Variants in ITGBL1 observed in about 807,000 individuals in gnomAD.
The protein encoded by ITGBL1 is integrin beta-like protein 1.
Under a neutral mutation model 68.5 loss-of-function variants are expected in ITGBL1, and 51 were observed. That is an observed-to-expected ratio of 0.74 (90% CI 0.59 to 0.94). The LOEUF (loss-of-function observed/expected upper bound fraction) is 0.94, where lower values mean the gene tolerates loss of function less well. Among genes scored for constraint, ITGBL1 ranks in the 40% least tolerant of loss-of-function variants. The pLI, the probability that ITGBL1 is intolerant of heterozygous loss-of-function variation, is 0.00. For missense variants in ITGBL1, 649 were observed against 647.4 expected, an observed-to-expected ratio of 1.00 and a Z score of -0.03; for synonymous variants, 209 against 227.3, an observed-to-expected ratio of 0.92 and a Z score of 0.72.
At chr13:101,647,493 A>C (rs1256898883) in intron 7 of ITGBL1, among the ~76,000 whole-genome samples, 1 of 152,218 alleles carries the variant, frequency 6.6e-6, no homozygotes, top group Non-Finnish European at 1.5e-5. Context: ...ACCAACAAAA[A>C]AAAATATATT....
chr13:101,471,568 G>GTGTGTGTA (rs1206745931), intron 2 of ITGBL1, among the ~76,000 whole-genome samples: 10 of 144,626 alleles, frequency 6.9e-5, no homozygotes, highest in African/African-American at 2.6e-4. Flanking sequence ...GTGTGTGTGT[G>GTGTGTGTA]TATATATATT....
chr13:101,569,049 C>CACAG (rs2139254824), intron 3 of ITGBL1, among the ~76,000 whole-genome samples: 1 of 150,574 alleles, frequency 6.6e-6, no homozygotes, highest in African/African-American at 2.4e-5. Flanking sequence ...CACACACACA[C>CACAG]ACACACACAC....
intron 2 of ITGBL1, among the ~76,000 whole-genome samples, chr13:101,464,619 T>C (rs2048359110): frequency 6.6e-6 from 1 of 152,080 alleles, no homozygotes; most frequent in South Asian, 2.1e-4. Context: ...ATTTTACCCA[T>C]TTATATTTGG....
At chr13:101,587,344 T>TG (rs1211898410) in intron 6 of ITGBL1, among the ~76,000 whole-genome samples, 5 of 152,212 alleles carry the variant, frequency 3.3e-5, no homozygotes, top group South Asian at 2.1e-4. Flanking sequence ...AATATGTGTG[T>TG]TTGTGTATGT....
At chr13:101,470,636 G>A (rs2048444416) in intron 2 of ITGBL1, among the ~76,000 whole-genome samples, 1 of 152,122 alleles carries the variant, frequency 6.6e-6, no homozygotes, top group Non-Finnish European at 1.5e-5. Context: ...AGGCAACCTA[G>A]CAAGAGAGCC....
chr13:101,719,462 A>G (rs144388911), downstream of ITGBL1: 62 of 152,212 alleles, frequency 4.1e-4, 1 homozygote, highest in African/African-American at 1.4e-3. Context: ...AGGATTTGTA[A>G]TGAAATGATG....
intron 2 of ITGBL1, among the ~76,000 whole-genome samples, chr13:101,526,260 C>T (rs1855763): frequency 0.75 from 112,798 of 151,374 alleles, 42,052 homozygotes; most frequent in South Asian, 0.79. Flanking sequence ...CACCCATCAA[C>T]CCGTCATCTA....
At chr13:101,657,261 G>C (rs746808044) in intron 7 of ITGBL1, among the ~76,000 whole-genome samples, 1 of 152,056 alleles carries the variant, frequency 6.6e-6, no homozygotes, top group Non-Finnish European at 1.5e-5. Flanking sequence ...AATTCAAGTT[G>C]CACAAAAATT....
At chr13:101,479,974 G>A (rs1041403623) in intron 2 of ITGBL1, among the ~76,000 whole-genome samples, 3 of 151,944 alleles carry the variant, frequency 2.0e-5, no homozygotes, top group African/African-American at 4.8e-5. Context: ...GATACATACC[G>A]AAAAGAAAAG....
At chr13:101,524,238 A>G (rs1021543635) in intron 2 of ITGBL1, among the ~76,000 whole-genome samples, 2 of 151,672 alleles carry the variant, frequency 1.3e-5, no homozygotes, top group African/African-American at 4.8e-5. Context: ...AATTCTCTTC[A>G]TTAGGAGCAT....
intron 2 of ITGBL1, chr13:101,490,038 G>A (rs1254876131): frequency 1.7e-6 from 2 of 1,192,480 alleles, no homozygotes; most frequent in Admixed American, 2.0e-5. Flanking sequence ...TTAGCATTTT[G>A]TTATGGACTG....
rs1185338667 is a variant in ITGBL1 at position 101,563,353 on chromosome 13, A to C, written c.317-4346A>C. 2.2e-4 allele frequency among the ~76,000 whole-genome samples: 34 copies of C among 151,686 alleles called. 1 individual carries two copies. The highest frequency in any genetic ancestry group is 2.2e-3 in the Admixed American group (34 of 15,228). On this transcript the variant is annotated intron_variant, in intron 2 of 10. Coordinates refer to ENST00000376180, the MANE Select transcript of ITGBL1 (RefSeq NM_004791.3). ...AAAAACAATAAAGAAAATCAATAAA[A>C]CCAAAAGCTGATTATTTGAAAATAA... is the stretch of plus-strand genomic sequence containing the variant.
intron 2 of ITGBL1, among the ~76,000 whole-genome samples, chr13:101,458,272 A>C (rs2048271351): frequency 6.6e-6 from 1 of 152,220 alleles, no homozygotes; most frequent in Non-Finnish European, 1.5e-5. Context: ...TGACATAAGC[A>C]CTTGAGTACT....
chr13:101,642,478 A>G (rs1286772292), intron 7 of ITGBL1, among the ~76,000 whole-genome samples: 1 of 151,964 alleles, frequency 6.6e-6, no homozygotes, highest in Non-Finnish European at 1.5e-5. Flanking sequence ...TTGTCAGGTG[A>G]GTAGGTTGCA....
At chr13:101,456,540 G>A (rs1216552253) in intron 2 of ITGBL1, among the ~76,000 whole-genome samples, 3 of 152,174 alleles carry the variant, frequency 2.0e-5, no homozygotes, top group African/African-American at 7.2e-5. Context: ...CAGAAATAGA[G>A]TAACTTTCGG....
chr13:101,470,292 T>A (rs1735768305), intron 2 of ITGBL1, among the ~76,000 whole-genome samples: 1 of 152,182 alleles, frequency 6.6e-6, no homozygotes, highest in South Asian at 2.1e-4. Flanking sequence ...TGAAAGATAG[T>A]ATAATATAGG....
chr13:101,487,204 A>G (rs1295436632), intron 2 of ITGBL1, among the ~76,000 whole-genome samples: 3 of 152,190 alleles, frequency 2.0e-5, no homozygotes, highest in Non-Finnish European at 4.4e-5. Context: ...GGCAGGTGTT[A>G]TGATCCTGTC....
intron 2 of ITGBL1, among the ~76,000 whole-genome samples, chr13:101,549,852 C>A (rs776159062): frequency 3.2e-4 from 49 of 151,918 alleles, no homozygotes; most frequent in Non-Finnish European, 5.4e-4. Context: ...GAAAACAAAT[C>A]TGGCTATATC....
chr13:101,687,459 G>A (rs553062839), intron 7 of ITGBL1, among the ~76,000 whole-genome samples: 1 of 152,004 alleles, frequency 6.6e-6, no homozygotes, highest in East Asian at 1.9e-4. Context: ...CCTGCACATA[G>A]TTGGGCTTTT....
Sources: gnomAD v4.1 joint callset for allele counts (sites outside exome capture counted in the v4.1 genomes callset) on GRCh38, gnomAD v4.1.1 for gene constraint, MANE v1.5 for transcripts, NCBI Gene and HGNC (gene_info 2026-07-23, HGNC 2026-07-21) for gene names.